OR6C4: variants seen among roughly 807,000 people sequenced by gnomAD.
The protein encoded by OR6C4 is olfactory receptor family 6 subfamily C member 4.
In OR6C4, 20 loss-of-function variants were observed where a neutral mutation model predicts 15.1. That is an observed-to-expected ratio of 1.32 (90% confidence interval 0.93 to 1.92). OR6C4 has a LOEUF of 1.92. Ranked by LOEUF, OR6C4 falls within the 30% of genes most tolerant of loss-of-function variation. The probability of loss-of-function intolerance (pLI) is 0.00; values close to 1 mark genes in which losing one functional copy is unlikely to be tolerated. For synonymous variants in OR6C4, 179 were observed against 134.2 expected, an observed-to-expected ratio of 1.33 and a Z score of -2.31; for missense variants, 491 against 363.2, an observed-to-expected ratio of 1.35 and a Z score of -2.86.
chr12:55,549,883 C>A lies in OR6C4; in HGVS notation c.-254C>A, dbSNP rs892248999. On this transcript the variant is annotated 5_prime_UTR_variant, in exon 1 of 2. Coordinates refer to ENST00000641569, the MANE Select transcript of OR6C4 (RefSeq NM_001005494.2). ...AGAAAGGTAAAATGTGGATGGAAGCCAATAGAAAACATGTTAAAGTATATA... is the reference window on the plus strand; with the variant it reads ...AGAAAGGTAAAATGTGGATGGAAGCAAATAGAAAACATGTTAAAGTATATA... The A allele has an allele frequency of 1.3e-5, 2 of 151,978 alleles. No individual in the cohort carries two copies. Among genetic ancestry groups the A allele is most frequent in the African/African-American group, 4.8e-5 (2 of 41,350 alleles). 9.4% of individuals were successfully genotyped at this position (151,978 alleles called of 1,614,324 possible).
Position 55,555,062 on chromosome 12 carries a change from C to T in OR6C4, c.*2906C>T, listed in dbSNP as rs985728739. 4 of 152,062 alleles carry T rather than the reference C, an allele frequency of 2.6e-5. No individual in the cohort carries two copies. The highest frequency in any genetic ancestry group is 4.4e-5 in the Non-Finnish European group (3 of 68,022). 9.4% of individuals were successfully genotyped at this position (152,062 alleles called of 1,614,324 possible). ...AAAGTAATGGCAAAAACTGCAATTA[C>T]TTTTGCACCAACCAAATAAAAATAC... On this transcript the variant is annotated 3_prime_UTR_variant, in exon 2 of 2. Transcript: ENST00000641569.
In OR6C4 at chr12:55,551,648, A is replaced by T; in HGVS notation, c.422A>T (p.Gln141Leu). 6.2e-7 allele frequency: 1 copy of T among 1,613,944 alleles called. No homozygotes were observed. ...LTIMSSRVCI[Q>L]LVFCSWLGGF... ...ATTATGAGCAGCAGAGTCTGCATAC[A>T]ACTAGTGTTCTGCTCCTGGTTGGGG... Residue 141 changes from glutamine to leucine, a missense_variant, in exon 2 of 2, where the codon CAA becomes CTA. By Grantham distance (113) the Gln-to-Leu change is moderately radical. Coordinates refer to ENST00000641569, the MANE Select transcript of OR6C4 (RefSeq NM_001005494.2).
rs1340788794 is a variant in OR6C4, at chr12:55,555,597, G to T, written c.*3441G>T. On this transcript the variant is annotated 3_prime_UTR_variant, in exon 2 of 2. Transcript: ENST00000641569. ...GTTCGAGACCAGCCTGGCCAACATG[G>T]TGAAACCCTGTCTCTATCAAAAATA... The T allele has an allele frequency of 6.6e-6, 1 of 152,166 alleles. No individual in the cohort carries two copies. Among genetic ancestry groups the T allele is most frequent in the African/African-American group, 2.4e-5 (1 of 41,414 alleles). The allele number at this position is 152,166 out of a possible 1,614,324, so 9.4% of individuals were successfully genotyped here. A position where few individuals can be genotyped will look rare whatever the true frequency, so the allele number is the denominator to read the frequency against.
rs779516210 is a variant in OR6C4 at position 55,551,383 on chromosome 12, C to T, written c.157C>T (p.Leu53Phe). The T allele has an allele frequency of 6.2e-7, 1 of 1,613,732 alleles. No individual in the cohort carries two copies. The highest frequency in any genetic ancestry group is 8.5e-7 in the Non-Finnish European group (1 of 1,179,862). ...IITLTLLDPH[L>F]QTPMYFFLRN... ...CACCCTCACCTTACTAGACCCCCAC[C>T]TCCAGACCCCCATGTATTTCTTCCT... Residue 53 changes from leucine (L) to phenylalanine (F), a missense_variant, in exon 2 of 2, where the codon CTC (leucine) becomes TTC (phenylalanine). Transcript: ENST00000641569.
rs1434952968 is a variant in OR6C4, at chr12:55,555,069, A to C, written c.*2913A>C. Reference sequence around the variant, plus strand: ...TGGCAAAAACTGCAATTACTTTTGCACCAACCAAATAAAAATACAAAAATC... The same window carrying C: ...TGGCAAAAACTGCAATTACTTTTGCCCCAACCAAATAAAAATACAAAAATC... On this transcript the variant is annotated 3_prime_UTR_variant, in exon 2 of 2. Coordinates refer to ENST00000641569, the MANE Select transcript of OR6C4 (RefSeq NM_001005494.2). 6.6e-6 allele frequency: 1 copy of C among 152,148 alleles called. No individual in the cohort carries two copies. The highest frequency in any genetic ancestry group is 1.5e-5 in the Non-Finnish European group (1 of 68,028). 9.4% of individuals were successfully genotyped at this position (152,148 alleles called of 1,614,324 possible). A position where few individuals can be genotyped will look rare whatever the true frequency, so the allele number is the denominator to read the frequency against.
rs1215270471 is a variant in OR6C4, at chr12:55,551,703, C to T, written c.477C>T (p.Ile159=). The change falls in exon 2 of 2, where the codon ATC becomes ATT. Residue 159 remains isoleucine, a synonymous_variant. Coordinates refer to ENST00000641569, the MANE Select transcript of OR6C4 (RefSeq NM_001005494.2). ...GGFLAILPPI[I]LMTQVDFCVS... is the part of the protein sequence containing the mutation. The stretch of plus-strand genomic sequence containing the variant: ...TCCTAGCAATCTTACCACCAATCAT[C>T]CTGATGACCCAGGTAGATTTCTGTG... 2 of 1,613,800 alleles carry T rather than the reference C, an allele frequency of 1.2e-6. No individual in the cohort carries two copies. The highest frequency in any genetic ancestry group is 1.7e-6 in the Non-Finnish European group (2 of 1,179,896).
At chr12:55,550,671 A>G (rs941250085) in intron 1 of OR6C4, among the ~76,000 whole-genome samples, 1 of 152,244 alleles carries the variant, frequency 6.6e-6, no homozygotes, top group Non-Finnish European at 1.5e-5. Context: ...GATCTTCAGC[A>G]TTGCCTGTGT....
Position 55,551,597 on chromosome 12 carries a change from T to A in OR6C4, c.371T>A (p.Ile124Asn). The A allele has an allele frequency of 1.2e-6, 2 of 1,614,002 alleles. No homozygotes were observed. The highest frequency in any genetic ancestry group is 1.7e-6 in the Non-Finnish European group (2 of 1,179,942). ...ATGTCTTATGATCGTTATGTGGCCA[T>A]CTGCAAACCCTTGCATTACCTGACT... ...ASMSYDRYVA[I>N]CKPLHYLTIM... The change falls in exon 2 of 2, where the codon ATC becomes AAC. Residue 124 changes from isoleucine to asparagine, a missense_variant. By Grantham distance (149) the Ile-to-Asn change is moderately radical (BLOSUM62 -3). Coordinates refer to ENST00000641569, the MANE Select transcript of OR6C4 (RefSeq NM_001005494.2).
rs1873863181 is a variant in OR6C4 at position 55,551,580 on chromosome 12, T to C, written c.354T>C (p.Tyr118=). 1 of 1,614,014 alleles carries C rather than the reference T, an allele frequency of 6.2e-7. No homozygotes were observed. The highest frequency in any genetic ancestry group is 8.5e-7 in the Non-Finnish European group (1 of 1,179,930). The part of the protein sequence containing the change: ...TEFYLLASMS[Y]DRYVAICKPL... ...TTTACCTCCTGGCCTCCATGTCTTA[T>C]GATCGTTATGTGGCCATCTGCAAAC... Residue 118 remains tyrosine, a synonymous_variant, in exon 2 of 2, where the codon TAT becomes TAC. Transcript: ENST00000641569.
At position 55,553,307 on chromosome 12, in the gene OR6C4, A is replaced by T. The variant is rs1873926619; in HGVS notation, c.*1151A>T. ...CAATGGAAGTAAGCACTTTTTTTTA[A>T]TCTGAGCATTTGTACACAGTTTAAT... is the stretch of plus-strand genomic sequence containing the variant. On this transcript the variant is annotated 3_prime_UTR_variant, in exon 2 of 2. Transcript: ENST00000641569. 2 of 152,084 alleles carry T rather than the reference A, an allele frequency of 1.3e-5. No homozygotes were observed. Among genetic ancestry groups the T allele is most frequent in the Admixed American group, 6.6e-5 (1 of 15,252 alleles). The allele number at this position is 152,084 out of a possible 1,614,324, so 9.4% of individuals were successfully genotyped here.
chr12:55,550,262 TTTATA>T (rs746111081), intron 1 of OR6C4, 144 bp downstream of exon 1: 5 of 152,188 alleles, frequency 3.3e-5, no homozygotes, highest in Non-Finnish European at 7.3e-5. Context: ...GAGGGACCCC[TTTATA>T]TTATATTTGC....
chr12:55,554,243 C>T lies in OR6C4; in HGVS notation c.*2087C>T, dbSNP rs1280881244. 6.6e-6 allele frequency: 1 copy of T among 152,098 alleles called. No individual in the cohort carries two copies. Among genetic ancestry groups the T allele is most frequent in the South Asian group, 2.1e-4 (1 of 4,828 alleles). 9.4% of individuals were successfully genotyped at this position (152,098 alleles called of 1,614,324 possible). On this transcript the variant is annotated 3_prime_UTR_variant, in exon 2 of 2. Transcript: ENST00000641569. ...CTGGGCTAGCATCAACTTCATTGCCCTAGATATCTATGGGAGAGACAGGAT... is the reference window on the plus strand; with the variant it reads ...CTGGGCTAGCATCAACTTCATTGCCTTAGATATCTATGGGAGAGACAGGAT...
In OR6C4 at chr12:55,551,323, T is replaced by G. The variant is rs757765623; in HGVS notation, c.97T>G (p.Tyr33Asp). 6 of 1,613,460 alleles carry G rather than the reference T, an allele frequency of 3.7e-6. No individual in the cohort carries two copies. Among genetic ancestry groups the G allele is most frequent in the African/African-American group, 1.3e-5 (1 of 74,896 alleles). The stretch of plus-strand genomic sequence containing the variant: ...GATATTCATCTTTCTGTTCCTCACC[T>G]ACATGCTAAGTATCCTAGGAAATCT... Reference protein sequence around the residue: ...VMIFIFLFLTYMLSILGNLTI... With the variant: ...VMIFIFLFLTDMLSILGNLTI... Residue 33 changes from tyrosine (Y) to aspartate (D), a missense_variant, in exon 2 of 2, where the codon TAC (tyrosine) becomes GAC (aspartate). Tyr to Asp is a radical substitution (Grantham distance 160, BLOSUM62 -3). Coordinates refer to ENST00000641569, the MANE Select transcript of OR6C4 (RefSeq NM_001005494.2).
chr12:55,552,482 G>A lies in OR6C4; in HGVS notation c.*326G>A, dbSNP rs900424048. ...ACAGATTGTTTATTTAGAAGAGTAG[G>A]AGGATAAGAATTTAGAGTGAAAAAG... On this transcript the variant is annotated 3_prime_UTR_variant, in exon 2 of 2. Transcript: ENST00000641569. 5.2e-6 allele frequency: 1 copy of A among 191,024 alleles called. No homozygotes were observed. Among genetic ancestry groups the A allele is most frequent in the African/African-American group, 2.4e-5 (1 of 42,014 alleles). 11.8% of individuals were successfully genotyped at this position (191,024 alleles called of 1,614,324 possible).
chr12:55,553,356 C>A lies in OR6C4; in HGVS notation c.*1200C>A, dbSNP rs564273771. ...ATAATATCTTAAAAAATTGCAGGAG[C>A]TTTGTTACTATTTGGGGTAAAAGTG... On this transcript the variant is annotated 3_prime_UTR_variant, in exon 2 of 2. Transcript: ENST00000641569. 6.6e-6 allele frequency: 1 copy of A among 151,946 alleles called. No homozygotes were observed. Among genetic ancestry groups the A allele is most frequent in the South Asian group, 2.1e-4 (1 of 4,818 alleles). The allele number at this position is 151,946 out of a possible 1,614,324, so 9.4% of individuals were successfully genotyped here. A position where few individuals can be genotyped will look rare whatever the true frequency, so the allele number is the denominator to read the frequency against.
Position 55,555,798 on chromosome 12 carries a change from A to C in OR6C4, c.*3642A>C, listed in dbSNP as rs1164479653. On this transcript the variant is annotated 3_prime_UTR_variant, in exon 2 of 2. Coordinates refer to ENST00000641569, the MANE Select transcript of OR6C4 (RefSeq NM_001005494.2). ...GTCTCAAAAAAACATAAAATAAAAT[A>C]ATAAAAAATGTTGCTTCTTTTCATG... The C allele has an allele frequency of 6.6e-6, 1 of 152,284 alleles. No homozygotes were observed. The highest frequency in any genetic ancestry group is 1.5e-5 in the Non-Finnish European group (1 of 68,050). 9.4% of individuals were successfully genotyped at this position (152,284 alleles called of 1,614,324 possible).
chr12:55,550,795 G>C (rs1873833478), intron 1 of OR6C4, among the ~76,000 whole-genome samples: 2 of 152,112 alleles, frequency 1.3e-5, no homozygotes, highest in South Asian at 2.1e-4. Context: ...AGAAAGGAAA[G>C]AAAGAAACAG....
Position 55,555,356 on chromosome 12 carries a change from T to C in OR6C4, c.*3200T>C, listed in dbSNP as rs1166462449. On this transcript the variant is annotated 3_prime_UTR_variant, in exon 2 of 2. Transcript: ENST00000641569. ...TGTGTGCCTTTGCATACTCATAGCTTAGCTCCCACTTACGAGTGAGAACAT... is the reference window on the plus strand; with the variant it reads ...TGTGTGCCTTTGCATACTCATAGCTCAGCTCCCACTTACGAGTGAGAACAT... The C allele has an allele frequency of 6.6e-6, 1 of 152,178 alleles. No individual in the cohort carries two copies. The highest frequency in any genetic ancestry group is 1.5e-5 in the Non-Finnish European group (1 of 68,038). 9.4% of individuals were successfully genotyped at this position (152,178 alleles called of 1,614,324 possible).
Position 55,551,674 on chromosome 12 carries a change from G to A in OR6C4, c.448G>A (p.Gly150Arg), listed in dbSNP as rs200484309. ...IQLVFCSWLG[G>R]FLAILPPIIL... ...ACTAGTGTTCTGCTCCTGGTTGGGG[G>A]GATTCCTAGCAATCTTACCACCAAT... is the stretch of plus-strand genomic sequence containing the variant. The change falls in exon 2 of 2, where the codon GGA becomes AGA. Residue 150 changes from glycine to arginine, a missense_variant. By Grantham distance (125) the Gly-to-Arg change is moderately radical. Coordinates refer to ENST00000641569, the MANE Select transcript of OR6C4 (RefSeq NM_001005494.2). 4.3e-5 allele frequency: 70 copies of A among 1,613,770 alleles called. 1 individual carries two copies. In the East Asian group the frequency reaches 1.5e-3, roughly 34 times the overall value.
Sources: gnomAD v4.1 joint callset for allele counts (sites outside exome capture counted in the v4.1 genomes callset) on GRCh38, gnomAD v4.1.1 for gene constraint, MANE v1.5 for transcripts, NCBI Gene and HGNC (gene_info 2026-07-23, HGNC 2026-07-21) for gene names.